Variants in PIH1D2 observed in about 807,000 individuals in gnomAD.
PIH1D2 encodes PIH1 domain containing 2.
PIH1D2 carries 25 observed loss-of-function variants against 31.2 expected under a neutral mutation model. That is an observed-to-expected ratio of 0.80 (90% CI 0.58 to 1.12). The LOEUF is 1.12. PIH1D2 is among the 50% of genes most tolerant of loss of function. The probability of loss-of-function intolerance (pLI) is 0.00; values close to 1 mark genes in which losing one functional copy is unlikely to be tolerated. For synonymous variants in PIH1D2, 116 were observed against 119.9 expected, an observed-to-expected ratio of 0.97 and a Z score of 0.21; for missense variants, 310 against 356.6, an observed-to-expected ratio of 0.87 and a Z score of 1.05.
downstream of PIH1D2, chr11:112,059,794 C>A: frequency 1.1e-6 from 1 of 889,460 alleles, no homozygotes; most frequent in Non-Finnish European, 1.7e-6. Flanking sequence ...AACAATAACA[C>A]ACATTGGTTC....
chr11:112,054,153 A>C, the PIH1D2 span, among the ~76,000 whole-genome samples: 2 of 151,272 alleles, frequency 1.3e-5, no homozygotes. Context: ...TGCTAAAAAT[A>C]CAAAAAAAAA....
chr11:112,069,842 A>G (rs1555184302), intron 5 of PIH1D2: 1 of 152,934 alleles, frequency 6.5e-6, no homozygotes, highest in Non-Finnish European at 1.5e-5. Context: ...TGAGATGGTT[A>G]ATTACGGTTA....
chr11:112,066,455 T>G (rs948631226), downstream of PIH1D2, among the ~76,000 whole-genome samples: 2 of 151,792 alleles, frequency 1.3e-5, no homozygotes, highest in Admixed American at 6.6e-5. Flanking sequence ...CTGGCCAACA[T>G]GGAGAAACCC....
chr11:112,067,351 GAGA>G (rs1175592821), downstream of PIH1D2, among the ~76,000 whole-genome samples: 32 of 151,758 alleles, frequency 2.1e-4, no homozygotes, highest in Admixed American at 2.0e-3. Context: ...ATGTTTATTT[GAGA>G]AGAAGTGAGT....
chr11:112,070,598 C>CA lies in PIH1D2; in HGVS notation c.650dup (p.Ile218AspfsTer8), dbSNP rs1555184424. The CA allele has an allele frequency of 6.2e-7, 1 of 1,614,130 alleles. No individual in the cohort carries two copies. Among genetic ancestry groups the CA allele is most frequent in the Admixed American group, 1.7e-5 (1 of 60,018 alleles). Reference sequence around the variant, plus strand: ...TTTCAGTACTGGAAATCTCTTCTATCAGACACACTGCTTTGCCTGAAACTT... The same window carrying CA: ...TTTCAGTACTGGAAATCTCTTCTATCAAGACACACTGCTTTGCCTGAAACTT... On this transcript the variant is annotated frameshift_variant, in exon 5 of 6. Coordinates refer to ENST00000280350, the MANE Select transcript of PIH1D2 (RefSeq NM_138789.4). LOFTEE classifies it high-confidence loss of function.
At chr11:112,057,838 A>G in the PIH1D2 span, among the ~76,000 whole-genome samples, 2 of 152,242 alleles carry the variant, frequency 1.3e-5, no homozygotes, top group African/African-American at 2.4e-5. Flanking sequence ...CCAGCAAAAA[A>G]TTACAATTCA....
downstream of PIH1D2, among the ~76,000 whole-genome samples, chr11:112,060,837 A>G (rs1166804143): frequency 1.3e-5 from 2 of 152,174 alleles, no homozygotes; most frequent in Non-Finnish European, 2.9e-5. Context: ...AAAAGAAGAT[A>G]TTGTTTGAAA....
chr11:112,061,705 A>G (rs1864639499), downstream of PIH1D2, among the ~76,000 whole-genome samples: 1 of 152,072 alleles, frequency 6.6e-6, no homozygotes. Context: ...CAGCCTCCCA[A>G]GTAGCTATAG....
At chr11:112,070,898 AT>A (rs1175054325) in intron 4 of PIH1D2, 139 bp downstream of exon 4, 3 of 1,203,460 alleles carry the variant, frequency 2.5e-6, no homozygotes, top group Non-Finnish European at 3.4e-6. Flanking sequence ...AGGATATGAT[AT>A]TTCTAATATT....
In PIH1D2 at chr11:112,070,551, G is replaced by A; in HGVS notation, c.698C>T (p.Pro233Leu). 2 of 1,614,030 alleles carry A rather than the reference G, an allele frequency of 1.2e-6. No individual in the cohort carries two copies. Among genetic ancestry groups the A allele is most frequent in the Non-Finnish European group, 1.7e-6 (2 of 1,180,006 alleles). The change falls in exon 5 of 6, where the codon CCA becomes CTA. Residue 233 changes from proline (P) to leucine (L), a missense_variant. Transcript: ENST00000280350. Reference sequence around the variant, plus strand: ...ATGCACAATTTTTAGTTCATAGGCTGGCATCTTCATCTCCACCTGGATTTC... The same window carrying A: ...ATGCACAATTTTTAGTTCATAGGCTAGCATCTTCATCTCCACCTGGATTTC... ...STEIQVEMKM[P>L]AYELKIVHDH...
chr11:112,057,099 T>C, the PIH1D2 span, among the ~76,000 whole-genome samples: 3 of 152,204 alleles, frequency 2.0e-5, no homozygotes, highest in Non-Finnish European at 2.9e-5. Context: ...CCATTGTAAT[T>C]GTTTCAATGC....
chr11:112,071,811 G>T, intron 2 of PIH1D2, 53 bp from the exon 3 acceptor site: 1 of 1,592,754 alleles, frequency 6.3e-7, no homozygotes, highest in Middle Eastern at 1.7e-4. Flanking sequence ...AACCATTTAA[G>T]GCCAGGCATG....
intron 2 of PIH1D2, 53 bp from the exon 3 acceptor site, chr11:112,071,811 G>A (rs1239510414): frequency 2.5e-6 from 4 of 1,592,636 alleles, no homozygotes; most frequent in African/African-American, 2.7e-5. Flanking sequence ...AACCATTTAA[G>A]GCCAGGCATG....
the PIH1D2 span, among the ~76,000 whole-genome samples, chr11:112,053,914 G>A: frequency 6.6e-6 from 1 of 151,878 alleles, no homozygotes; most frequent in Non-Finnish European, 1.5e-5. Flanking sequence ...CTCCAGTCTT[G>A]GGACTAGAGA....
chr11:112,067,794 C>T (rs1864986011), downstream of PIH1D2: 7 of 1,526,494 alleles, frequency 4.6e-6, no homozygotes, highest in Middle Eastern at 1.7e-4. Context: ...TAAACTACTA[C>T]CTCTTTAGCC....
rs781786001 is a variant in PIH1D2 at position 112,071,722 on chromosome 11, G to T, written c.214C>A (p.Gln72Lys). The T allele has an allele frequency of 1.9e-6, 3 of 1,613,828 alleles. No homozygotes were observed. The highest frequency in any genetic ancestry group is 2.7e-5 in the African/African-American group (2 of 74,920). Residue 72 changes from glutamine (Q) to lysine (K), a missense_variant, in exon 3 of 6, where the codon CAG becomes AAG. Coordinates refer to ENST00000280350, the MANE Select transcript of PIH1D2 (RefSeq NM_138789.4). Reference sequence around the variant, plus strand: ...TGGGGAGCTGGGATCCTTGTCCACTGACACAGGTTGATAAAAAGTATTTTT... The same window carrying T: ...TGGGGAGCTGGGATCCTTGTCCACTTACACAGGTTGATAAAAAGTATTTTT... ...KEKILFINLC[Q>K]WTRIPAPQST...
chr11:112,054,734 T>C, the PIH1D2 span, among the ~76,000 whole-genome samples: 418 of 152,350 alleles, frequency 2.7e-3, 2 homozygotes, highest in African/African-American at 9.5e-3. Flanking sequence ...AAAACAAATT[T>C]ATTCTCTCAC....
At chr11:112,070,406 C>T in intron 5 of PIH1D2, 30 bp downstream of exon 5, 2 of 1,601,018 alleles carry the variant, frequency 1.2e-6, no homozygotes, top group Non-Finnish European at 8.5e-7. Context: ...CTGGCCAATA[C>T]AAATTTACAG....
chr11:112,068,005 C>T lies in PIH1D2; in HGVS notation c.814G>A (p.Asp272Asn), dbSNP rs782242182. 3 of 1,554,180 alleles carry T rather than the reference C, an allele frequency of 1.9e-6. No individual in the cohort carries two copies. The highest frequency in any genetic ancestry group is 1.7e-4 in the Middle Eastern group (1 of 5,760). Residue 272 changes from aspartate (D) to asparagine (N), a missense_variant and splice_region_variant, in exon 6 of 6, where the codon GAT becomes AAT. By Grantham distance (23) the Asp-to-Asn change is conservative. Transcript: ENST00000280350. ...VSLCDLSVSE[D>N]DLLIEVSEKY... ...TCAGATACTTCAATCAATAAATCAT[C>T]CTAAGAATAATAAACCAAGAGATTT...
Sources: allele counts gnomAD v4.1 joint callset (sites outside exome capture counted in the v4.1 genomes callset), GRCh38; gene constraint gnomAD v4.1.1; transcripts MANE v1.5; gene names NCBI Gene and HGNC (gene_info 2026-07-23, HGNC 2026-07-21).